The following SUSD4 variants were observed in gnomAD, a reference collection of about 807,000 sequenced individuals.
SUSD4 encodes the protein sushi domain containing 4.
In SUSD4, 41 loss-of-function variants were observed where a neutral mutation model predicts 50.5. The ratio of observed to expected loss-of-function variants is 0.81; its 90% CI spans 0.63 to 1.05. The LOEUF is 1.05. SUSD4 is among the 50% of genes least tolerant of loss of function. The pLI is 0.00. For missense variants in SUSD4, 580 were observed against 634.7 expected (o/e 0.91, Z 0.93); for synonymous variants, 257 against 257.3 (o/e 1.00, Z 0.01).
intron 2 of SUSD4, among the ~76,000 whole-genome samples, chr1:223,349,519 G>A (rs1197257452): frequency 6.6e-6 from 1 of 152,192 alleles, no homozygotes; most frequent in Non-Finnish European, 1.5e-5. Context: ...TGAGCTTCCA[G>A]ATCATCTCTG....
intron 5 of SUSD4, chr1:223,230,884 A>C (rs1659851116): frequency 6.6e-6 from 1 of 152,150 alleles, no homozygotes; most frequent in Admixed American, 6.5e-5. Flanking sequence ...TCTGAGGGCT[A>C]TCTCGAGAAA....
chr1:223,298,268 C>CA (rs1223127588), intron 2 of SUSD4, among the ~76,000 whole-genome samples: 1 of 152,138 alleles, frequency 6.6e-6, no homozygotes, highest in African/African-American at 2.4e-5. Flanking sequence ...ACAGCAACAC[C>CA]AATGGCACTG....
intron 3 of SUSD4, among the ~76,000 whole-genome samples, chr1:223,271,298 A>G (rs1662905192): frequency 6.6e-6 from 1 of 152,200 alleles, no homozygotes; most frequent in Non-Finnish European, 1.5e-5. Context: ...AGAAGCACCC[A>G]AGCCTTGTTT....
In SUSD4 at chr1:223,247,495, G is replaced by T. The variant is rs1661019781; in HGVS notation, c.724+17135C>A. On this transcript the variant is annotated intron_variant, in intron 5 of 8. Transcript: ENST00000366878. ...GTGAAAATAAACTTCTATTTTGTTT[G>T]AGCCATCATCCCTTTTTGGTAACCT... 2.6e-5 allele frequency among the ~76,000 whole-genome samples: 4 copies of T among 152,160 alleles called. No individual in the cohort carries two copies. The South Asian group carries it at 8.3e-4, about 32-fold the overall frequency.
At chr1:223,360,922 G>A (rs1421656276) in intron 2 of SUSD4, among the ~76,000 whole-genome samples, 4 of 152,240 alleles carry the variant, frequency 2.6e-5, no homozygotes, top group Admixed American at 2.6e-4. Flanking sequence ...AATTGAGAAT[G>A]ATGGCAGAAA....
At chr1:223,339,857 G>A (rs939346766) in intron 2 of SUSD4, among the ~76,000 whole-genome samples, 6 of 152,172 alleles carry the variant, frequency 3.9e-5, no homozygotes, top group African/African-American at 9.7e-5. Context: ...GAGGCCCACC[G>A]ACCACTTTTC....
chr1:223,293,979 T>G (rs536182029), intron 2 of SUSD4, among the ~76,000 whole-genome samples: 2 of 152,066 alleles, frequency 1.3e-5, no homozygotes, highest in Non-Finnish European at 2.9e-5. Context: ...AACACTGATG[T>G]CATAAGCCAC....
At position 223,363,322 on chromosome 1, in the gene SUSD4, C is replaced by A; in HGVS notation, c.104G>T (p.Trp35Leu). Reference sequence around the variant, plus strand: ...GCCGAAGCACAGCGCCAGCTGAAACCACAGGATCACGGCCAAGAGTCTCTG... The same window carrying A: ...GCCGAAGCACAGCGCCAGCTGAAACAACAGGATCACGGCCAAGAGTCTCTG... ...SPQRLLAVILWFQLALCFGPA... is the reference protein window; with the variant it reads ...SPQRLLAVILLFQLALCFGPA... Residue 35 changes from tryptophan to leucine, a missense_variant, in exon 2 of 9, where the codon TGG becomes TTG. Coordinates refer to ENST00000366878, the MANE Select transcript of SUSD4 (RefSeq NM_017982.4). 1 of 1,610,900 alleles carries A rather than the reference C, an allele frequency of 6.2e-7. No homozygotes were observed.
intron 2 of SUSD4, among the ~76,000 whole-genome samples, chr1:223,331,296 A>G (rs1331445818): frequency 6.6e-6 from 1 of 152,176 alleles, no homozygotes; most frequent in Non-Finnish European, 1.5e-5. Flanking sequence ...GTGTTTTCAC[A>G]TTCCAGCATC....
At chr1:223,299,783 C>T (rs1406902768) in intron 2 of SUSD4, among the ~76,000 whole-genome samples, 1 of 152,136 alleles carries the variant, frequency 6.6e-6, no homozygotes, top group Non-Finnish European at 1.5e-5. Context: ...TTCTCTCTGC[C>T]TGACTGTCTT....
chr1:223,285,825 C>CA (rs1189333955), intron 3 of SUSD4, among the ~76,000 whole-genome samples: 1 of 152,160 alleles, frequency 6.6e-6, no homozygotes, highest in Non-Finnish European at 1.5e-5. Flanking sequence ...GAACCACACA[C>CA]ACCGGGAATT....
intron 2 of SUSD4, among the ~76,000 whole-genome samples, chr1:223,354,373 A>G (rs1668541133): frequency 6.6e-6 from 1 of 152,154 alleles, no homozygotes; most frequent in Non-Finnish European, 1.5e-5. Flanking sequence ...CGCATCCACA[A>G]AGCAATGCTA....
intron 2 of SUSD4, among the ~76,000 whole-genome samples, chr1:223,356,847 A>C (rs1668697148): frequency 1.3e-5 from 2 of 152,228 alleles, no homozygotes; most frequent in African/African-American, 4.8e-5. Context: ...AAATACTCAA[A>C]ATCTCTTCCT....
chr1:223,244,814 A>C (rs1160462061), intron 5 of SUSD4, among the ~76,000 whole-genome samples: 1 of 152,206 alleles, frequency 6.6e-6, no homozygotes, highest in Non-Finnish European at 1.5e-5. Context: ...GCTAAGCAAC[A>C]GACTGATTTC....
chr1:223,348,279 C>T (rs773097061), intron 2 of SUSD4, among the ~76,000 whole-genome samples: 14 of 152,174 alleles, frequency 9.2e-5, no homozygotes, highest in Non-Finnish European at 1.8e-4. Flanking sequence ...GAATATTTCT[C>T]ATTCTGCTCA....
chr1:223,352,997 G>A (rs896545819), intron 2 of SUSD4, among the ~76,000 whole-genome samples: 2 of 151,906 alleles, frequency 1.3e-5, no homozygotes, highest in African/African-American at 4.8e-5. Context: ...CAAATCACTC[G>A]CCTGCTTCAC....
Position 223,363,279 on chromosome 1 carries a change from G to T in SUSD4, c.147C>A (p.Gly49=). Reference sequence around the variant, plus strand: ...TCCCACCACAGCTGGGTCACTCACCGCCCGTGAGCTGTGCAGGGCCGAAGC... The same window carrying T: ...TCCCACCACAGCTGGGTCACTCACCTCCCGTGAGCTGTGCAGGGCCGAAGC... ...ALCFGPAQLT[G]GFDDLQVCAD... The change falls in exon 2 of 9, where the codon GGC becomes GGA. Residue 49 remains glycine, a splice_region_variant and synonymous_variant. Coordinates refer to ENST00000366878, the MANE Select transcript of SUSD4 (RefSeq NM_017982.4). The T allele has an allele frequency of 6.3e-7, 1 of 1,587,982 alleles. No homozygotes were observed. The highest frequency in any genetic ancestry group is 8.6e-7 in the Non-Finnish European group (1 of 1,165,490).
chr1:223,246,445 G>A (rs1213599916), intron 5 of SUSD4, among the ~76,000 whole-genome samples: 2 of 152,160 alleles, frequency 1.3e-5, no homozygotes, highest in South Asian at 2.1e-4. Flanking sequence ...GTAAAGCAGA[G>A]GCCGGAGGGT....
chr1:223,295,878 G>GTGA (rs1466485748), intron 2 of SUSD4, among the ~76,000 whole-genome samples: 1 of 151,944 alleles, frequency 6.6e-6, no homozygotes, highest in African/African-American at 2.4e-5. Flanking sequence ...GAGCAGGGAA[G>GTGA]TGATTACGAT....
Sources: gnomAD v4.1 joint callset for allele counts (sites outside exome capture counted in the v4.1 genomes callset) on GRCh38, gnomAD v4.1.1 for gene constraint, MANE v1.5 for transcripts, NCBI Gene and HGNC (gene_info 2026-07-23, HGNC 2026-07-21) for gene names.